Variants in IP6K2 observed in about 807,000 individuals in gnomAD.
IP6K2 encodes ATP:1D-myo-inositol-hexakisphosphate phosphotransferase.
Under a neutral mutation model 43.3 loss-of-function variants are expected in IP6K2, and 9 were observed. The observed-to-expected ratio is 0.21, with a 90% CI of 0.13 to 0.36. IP6K2 has a LOEUF of 0.36. Ranked by LOEUF, IP6K2 falls within the 10% of genes least tolerant of loss-of-function variation. IP6K2 has a pLI of 1.00. For synonymous variants in IP6K2, 209 were observed against 202.4 expected (o/e 1.03, Z -0.28); for missense variants, 332 against 538.4 (o/e 0.62, Z 3.79).
In IP6K2 at chr3:48,695,010, T is replaced by C; in HGVS notation, c.202+80A>G. ...TGGGAGGGAGTGAGGGCTCCAGGGATGGCTGCCAGGGCCTTCCATGGCCAC... is the reference window on the plus strand; with the variant it reads ...TGGGAGGGAGTGAGGGCTCCAGGGACGGCTGCCAGGGCCTTCCATGGCCAC... On this transcript the variant is annotated intron_variant, in intron 2 of 5. Transcript: ENST00000328631. This position sits in a 1 kb window ranked among gnomAD's most constrained non-coding sequence, Gnocchi z 4.6. 1 of 1,612,984 alleles carries C rather than the reference T, an allele frequency of 6.2e-7. No individual in the cohort carries two copies. The highest frequency in any genetic ancestry group is 8.5e-7 in the Non-Finnish European group (1 of 1,179,496).
intron 1 of IP6K2, among the ~76,000 whole-genome samples, chr3:48,706,137 G>A (rs2079748420): frequency 6.6e-6 from 1 of 151,798 alleles, no homozygotes; most frequent in Middle Eastern, 3.4e-3. Flanking sequence ...AACCCGGGAG[G>A]CGGAGGTTGC....
At position 48,688,168 on chromosome 3, in the gene IP6K2, C is replaced by T. The variant is rs2077497713; in HGVS notation, c.*105G>A. 2 of 1,312,714 alleles carry T rather than the reference C, an allele frequency of 1.5e-6. No homozygotes were observed. Among genetic ancestry groups the T allele is most frequent in the African/African-American group, 1.4e-5 (1 of 69,140 alleles). 81.3% of individuals were successfully genotyped at this position (1,312,714 alleles called of 1,614,324 possible). ...CACAGAGGCCACTGCACATCAGCTC[C>T]AGGCTGCAGGAGCCACCACCTGGCC... On this transcript the variant is annotated 3_prime_UTR_variant, in exon 6 of 6. Transcript: ENST00000328631. This position sits in a 1 kb window ranked among gnomAD's most constrained non-coding sequence, Gnocchi z 5.1.
intron 2 of IP6K2, chr3:48,693,557 A>T: frequency 8.4e-7 from 1 of 1,196,266 alleles, no homozygotes; most frequent in South Asian, 1.7e-5. Context: ...CCCTAAACAG[A>T]AACTCCAACA....
intron 2 of IP6K2, chr3:48,694,300 C>A (rs2078067066): frequency 6.4e-7 from 1 of 1,551,206 alleles, no homozygotes; most frequent in South Asian, 1.2e-5. Flanking sequence ...ATCCCCACCG[C>A]AATACACATG....
chr3:48,700,734 A>G (rs908284731), intron 1 of IP6K2, among the ~76,000 whole-genome samples: 6 of 152,172 alleles, frequency 3.9e-5, no homozygotes, highest in Non-Finnish European at 7.3e-5. Flanking sequence ...CTCATCCAGA[A>G]TTTAGTTAAA....
At chr3:48,689,854 CAGGG>C (rs1055810091) in intron 4 of IP6K2, 141 bp from the exon 5 acceptor site, 1 of 658,294 alleles carries the variant, frequency 1.5e-6, no homozygotes. Flanking sequence ...ATCCCCGACA[CAGGG>C]AGTCCAGAGC....
chr3:48,703,343 T>C (rs553362883), intron 1 of IP6K2, among the ~76,000 whole-genome samples: 21 of 152,212 alleles, frequency 1.4e-4, no homozygotes, highest in Non-Finnish European at 2.6e-4. Context: ...CATTCAAATA[T>C]TCTGTGTTGA....
rs2077497643 is a variant in IP6K2, at chr3:48,688,165, C to T, written c.*108G>A. On this transcript the variant is annotated 3_prime_UTR_variant, in exon 6 of 6. Transcript: ENST00000328631. This position sits in a 1 kb window ranked among gnomAD's most constrained non-coding sequence, Gnocchi z 5.1. ...GCTCACAGAGGCCACTGCACATCAG[C>T]TCCAGGCTGCAGGAGCCACCACCTG... 7.8e-7 allele frequency: 1 copy of T among 1,274,024 alleles called. No individual in the cohort carries two copies. The highest frequency in any genetic ancestry group is 2.3e-5 in the East Asian group (1 of 43,020). The allele number at this position is 1,274,024 out of a possible 1,614,324, so 78.9% of individuals were successfully genotyped here. A position where few individuals can be genotyped will look rare whatever the true frequency, so the allele number is the denominator to read the frequency against.
chr3:48,695,031 GCCACGATCTCT>G lies in IP6K2; in HGVS notation c.202+48_202+58del. ...GGGATGGCTGCCAGGGCCTTCCATGGCCACGATCTCTCACATCTCCTCGCCAGTGTGGCAAC... is the reference window on the plus strand; with the variant it reads ...GGGATGGCTGCCAGGGCCTTCCATGGCACATCTCCTCGCCAGTGTGGCAAC... On this transcript the variant is annotated intron_variant, in intron 2 of 5. Coordinates refer to ENST00000328631, the MANE Select transcript of IP6K2 (RefSeq NM_016291.4). The surrounding 1 kb of genome is among the most constrained non-coding windows in gnomAD (Gnocchi z 4.6). The G allele has an allele frequency of 6.2e-7, 1 of 1,614,034 alleles. No homozygotes were observed. Among genetic ancestry groups the G allele is most frequent in the Non-Finnish European group, 8.5e-7 (1 of 1,179,968 alleles).
chr3:48,705,867 T>TA (rs1227480972), intron 1 of IP6K2, among the ~76,000 whole-genome samples: 4 of 126,920 alleles, frequency 3.2e-5, no homozygotes, highest in African/African-American at 8.7e-5. Flanking sequence ...AAATAAAAAA[T>TA]AAAAAAAATA....
At chr3:48,696,792 G>A (rs1225964980) in intron 1 of IP6K2, among the ~76,000 whole-genome samples, 2 of 152,238 alleles carry the variant, frequency 1.3e-5, no homozygotes, top group South Asian at 2.1e-4. Context: ...TCTAATGTGG[G>A]GAAAGCACCT....
At chr3:48,690,269 T>C (rs1394651838) in intron 4 of IP6K2, among the ~76,000 whole-genome samples, 2 of 152,250 alleles carry the variant, frequency 1.3e-5, no homozygotes, top group African/African-American at 2.4e-5. Flanking sequence ...CAGAAACTGG[T>C]AAACTATGGC....
intron 1 of IP6K2, among the ~76,000 whole-genome samples, chr3:48,710,296 A>T (rs2080336478): frequency 6.6e-6 from 1 of 152,198 alleles, no homozygotes; most frequent in Non-Finnish European, 1.5e-5. Flanking sequence ...AGGCTGAGGC[A>T]GGAGGATCAC....
At chr3:48,708,659 A>G (rs998256076) in intron 1 of IP6K2, among the ~76,000 whole-genome samples, 1 of 151,736 alleles carries the variant, frequency 6.6e-6, no homozygotes, top group Non-Finnish European at 1.5e-5. Flanking sequence ...TAAGAAACTA[A>G]CTCAACAGGA....
intron 3 of IP6K2, among the ~76,000 whole-genome samples, chr3:48,692,501 A>G (rs745585244): frequency 6.6e-6 from 1 of 152,236 alleles, no homozygotes; most frequent in African/African-American, 2.4e-5. Context: ...TAGCTACATT[A>G]CATGTACTTT....
chr3:48,693,852 G>C, intron 2 of IP6K2: 1 of 1,160,686 alleles, frequency 8.6e-7, no homozygotes, highest in Admixed American at 4.2e-5. Context: ...AGAGCTGGTT[G>C]GGGAGCACAG....
intron 1 of IP6K2, among the ~76,000 whole-genome samples, chr3:48,714,847 C>CAAAAA (rs61218247): frequency 3.0e-5 from 3 of 99,996 alleles, no homozygotes; most frequent in Admixed American, 1.2e-4. Context: ...GACTCCGTCT[C>CAAAAA]AAAAAAAAAA....
chr3:48,715,260 G>A (rs1272462729), intron 1 of IP6K2: 20 of 1,533,584 alleles, frequency 1.3e-5, no homozygotes, highest in Non-Finnish European at 1.7e-5. Flanking sequence ...CACTTAAAGG[G>A]AAAATTCTTC....
rs1331525171 is a variant in IP6K2 at position 48,695,007 on chromosome 3, G to A, written c.202+83C>T. On this transcript the variant is annotated intron_variant, in intron 2 of 5. Transcript: ENST00000328631. This position sits in a 1 kb window ranked among gnomAD's most constrained non-coding sequence, Gnocchi z 4.6. ...GAGTGGGAGGGAGTGAGGGCTCCAGGGATGGCTGCCAGGGCCTTCCATGGC... is the reference window on the plus strand; with the variant it reads ...GAGTGGGAGGGAGTGAGGGCTCCAGAGATGGCTGCCAGGGCCTTCCATGGC... The A allele has an allele frequency of 1.2e-6, 2 of 1,612,498 alleles. No individual in the cohort carries two copies. The highest frequency in any genetic ancestry group is 8.5e-7 in the Non-Finnish European group (1 of 1,179,338).
Sources: allele counts gnomAD v4.1 joint callset (sites outside exome capture counted in the v4.1 genomes callset), GRCh38; gene constraint gnomAD v4.1.1; non-coding constraint Gnocchi (gnomAD v3.1); transcripts MANE v1.5; gene names NCBI Gene and HGNC (gene_info 2026-07-23, HGNC 2026-07-21).